CLVS1: variants seen among roughly 807,000 people sequenced by gnomAD.
CLVS1 encodes clavesin-1.
A neutral mutation model predicts 33.1 loss-of-function variants in CLVS1; 10 were observed. The ratio of observed to expected loss-of-function variants is 0.30; its 90% CI spans 0.19 to 0.51. The LOEUF (loss-of-function observed/expected upper bound fraction) is 0.51. Ranked by LOEUF, CLVS1 falls within the 20% of genes least tolerant of loss-of-function variation. The probability of loss-of-function intolerance (pLI) is 0.97; values close to 1 mark genes in which losing one functional copy is unlikely to be tolerated. For synonymous variants in CLVS1, 163 were observed against 166.1 expected, an observed-to-expected ratio of 0.98 and a Z score of 0.14; for missense variants, 343 against 433.4, an observed-to-expected ratio of 0.79 and a Z score of 1.85.
chr8:61,185,546 T>C (rs1472793545), intron 2 of CLVS1, among the ~76,000 whole-genome samples: 2 of 152,222 alleles, frequency 1.3e-5, no homozygotes, highest in Admixed American at 6.5e-5. Flanking sequence ...TGTTAGCTTG[T>C]AGCTATATCA....
intron 3 of CLVS1, among the ~76,000 whole-genome samples, chr8:61,447,408 CCATTCTAA>C (rs931252974): frequency 1.3e-5 from 2 of 151,608 alleles, no homozygotes; most frequent in Admixed American, 1.3e-4. Flanking sequence ...CTTAAGTATG[CCATTCTAA>C]TTTTTTTTTC....
At chr8:61,239,948 G>A (rs28664719) in intron 2 of CLVS1, among the ~76,000 whole-genome samples, 38,452 of 152,030 alleles carry the variant, frequency 0.25, 6,067 homozygotes, top group Non-Finnish European at 0.33. Context: ...CCAGGAGGCT[G>A]CAGAGCCATA....
intron 2 of CLVS1, among the ~76,000 whole-genome samples, chr8:61,247,843 T>C (rs1808850934): frequency 6.6e-6 from 1 of 152,206 alleles, no homozygotes; most frequent in Non-Finnish European, 1.5e-5. Context: ...GGTGTTTTTG[T>C]CATGAAATTT....
chr8:61,294,289 C>T (rs1810107669), intron 1 of CLVS1, among the ~76,000 whole-genome samples: 1 of 152,108 alleles, frequency 6.6e-6, no homozygotes, highest in Non-Finnish European at 1.5e-5. Context: ...ATATCTAAAT[C>T]TCAGATTCAT....
chr8:61,043,670 GTA>G, the CLVS1 span, among the ~76,000 whole-genome samples: 1 of 152,170 alleles, frequency 6.6e-6, no homozygotes, highest in Non-Finnish European at 1.5e-5. Context: ...CTAGTCCCAG[GTA>G]TATGTTGATT....
chr8:61,248,437 ATTTG>A (rs996172408), intron 2 of CLVS1, among the ~76,000 whole-genome samples: 9 of 151,958 alleles, frequency 5.9e-5, no homozygotes, highest in Admixed American at 5.3e-4. Context: ...ATGCTTTTCC[ATTTG>A]TTTGTTTGTT....
At chr8:61,217,426 A>G (rs964136688) in intron 2 of CLVS1, among the ~76,000 whole-genome samples, 24 of 152,168 alleles carry the variant, frequency 1.6e-4, no homozygotes, top group African/African-American at 5.8e-4. Context: ...TGTCAATGCT[A>G]TGGATATTGT....
intron 1 of CLVS1, among the ~76,000 whole-genome samples, chr8:61,069,327 C>T (rs1179638058): frequency 6.6e-5 from 10 of 152,176 alleles, no homozygotes; most frequent in East Asian, 1.9e-4. Flanking sequence ...CCGACTTCCT[C>T]GCTTTCCAAC....
At chr8:61,197,418 T>C (rs1018740901) in intron 2 of CLVS1, among the ~76,000 whole-genome samples, 3 of 152,214 alleles carry the variant, frequency 2.0e-5, no homozygotes, top group African/African-American at 7.2e-5. Flanking sequence ...TCTGTTTTTA[T>C]GCAAGTACCA....
chr8:61,355,597 A>C (rs191324580), intron 2 of CLVS1, among the ~76,000 whole-genome samples: 11 of 152,022 alleles, frequency 7.2e-5, no homozygotes, highest in African/African-American at 2.7e-4. Flanking sequence ...CCAGAGCCTG[A>C]TGTTCCCTTT....
chr8:61,302,481 C>T (rs747720220), intron 2 of CLVS1, among the ~76,000 whole-genome samples: 4 of 152,094 alleles, frequency 2.6e-5, no homozygotes, highest in African/African-American at 4.8e-5. Flanking sequence ...CAATCCCTGC[C>T]GGTTAGGACC....
chr8:61,420,744 G>A (rs545010993), intron 3 of CLVS1, among the ~76,000 whole-genome samples: 32 of 152,170 alleles, frequency 2.1e-4, no homozygotes, highest in Admixed American at 1.4e-3. Flanking sequence ...TGAGGCGGGC[G>A]GATCACCTGA....
the CLVS1 span, among the ~76,000 whole-genome samples, chr8:61,035,971 C>A: frequency 1.3e-5 from 2 of 152,178 alleles, no homozygotes; most frequent in African/African-American, 2.4e-5. Context: ...ACTGTTCAGG[C>A]ACAGCCTCCA....
the CLVS1 span, among the ~76,000 whole-genome samples, chr8:61,011,868 G>A: frequency 4.5e-4 from 68 of 152,344 alleles, no homozygotes; most frequent in Non-Finnish European, 7.8e-4. Context: ...GTTGGGGAAT[G>A]ATGGGAAAGC....
chr8:60,997,624 G>A, the CLVS1 span, among the ~76,000 whole-genome samples: 2 of 152,126 alleles, frequency 1.3e-5, no homozygotes, highest in Non-Finnish European at 2.9e-5. Flanking sequence ...CTCCTATGTC[G>A]CTATCAGGAA....
intron 2 of CLVS1, among the ~76,000 whole-genome samples, chr8:61,229,494 T>C (rs941379896): frequency 1.3e-5 from 2 of 152,174 alleles, no homozygotes; most frequent in African/African-American, 4.8e-5. Flanking sequence ...AAGGTGGGAT[T>C]TAAGCCACTG....
chr8:61,339,883 AGGAGGGAGGGAGAAAG>A (rs1403813548), intron 2 of CLVS1, among the ~76,000 whole-genome samples: 1 of 149,998 alleles, frequency 6.7e-6, no homozygotes, highest in African/African-American at 2.4e-5. Context: ...GAGAAAGAGA[AGGAGGGAGGGAGAAAG>A]GGAGGGAGGG....
At chr8:61,266,953 C>T (rs1380325400) in intron 2 of CLVS1, among the ~76,000 whole-genome samples, 1 of 152,150 alleles carries the variant, frequency 6.6e-6, no homozygotes, top group Admixed American at 6.5e-5. Flanking sequence ...TGTTGAAATC[C>T]CAACACTGTG....
chr8:60,966,595 G>A, the CLVS1 span: 2 of 237,084 alleles, frequency 8.4e-6, no homozygotes, highest in Admixed American at 5.2e-5. Context: ...TATCTTTCTG[G>A]GTCCCAGGGA....
Sources: gnomAD v4.1 joint callset for allele counts (sites outside exome capture counted in the v4.1 genomes callset) on GRCh38, gnomAD v4.1.1 for gene constraint, MANE v1.5 for transcripts, NCBI Gene and HGNC (gene_info 2026-07-23, HGNC 2026-07-21) for gene names.